TMEM183A: variants seen among roughly 807,000 people sequenced by gnomAD.
TMEM183A encodes the protein transmembrane protein 183A, also known as chromosome 1 open reading frame 37.
Under a neutral mutation model 46.7 loss-of-function variants are expected in TMEM183A, and 21 were observed. The observed-to-expected ratio is 0.45, with a 90% CI of 0.32 to 0.65. TMEM183A has a LOEUF of 0.65. Among genes scored for constraint, TMEM183A ranks in the 30% least tolerant of loss-of-function variants. The pLI, the probability that TMEM183A is intolerant of heterozygous loss-of-function variation, is 0.04. For synonymous variants in TMEM183A, 165 were observed against 180.2 expected, an observed-to-expected ratio of 0.92 and a Z score of 0.68; for missense variants, 331 against 481.9, an observed-to-expected ratio of 0.69 and a Z score of 2.93.
At chr1:203,022,297 C>T (rs1230056792) in intron 7 of TMEM183A, among the ~76,000 whole-genome samples, 3 of 152,026 alleles carry the variant, frequency 2.0e-5, no homozygotes, top group Non-Finnish European at 4.4e-5. Context: ...CTCCTAACCT[C>T]AGACAATCTG....
At position 203,020,863 on chromosome 1, in the gene TMEM183A, A is replaced by G. The variant is rs1422878248; in HGVS notation, c.860A>G (p.Asn287Ser). The change falls in exon 7 of 8, where the codon AAT (asparagine) becomes AGT (serine). Residue 287 changes from asparagine (N) to serine (S), a missense_variant. Asn to Ser is a conservative substitution (Grantham distance 46, BLOSUM62 1). Transcript: ENST00000367242. Reference protein sequence around the residue: ...PPVQYEDVHTNPDQDCCLLQV... With the variant: ...PPVQYEDVHTSPDQDCCLLQV... ...GTTCAGTACGAAGATGTTCATACCAATCCAGACCAGGACTGCTGCCTACTG... is the reference window on the plus strand; with the variant it reads ...GTTCAGTACGAAGATGTTCATACCAGTCCAGACCAGGACTGCTGCCTACTG... 7 of 1,613,852 alleles carry G rather than the reference A, an allele frequency of 4.3e-6. No homozygotes were observed. Among genetic ancestry groups the G allele is most frequent in the Non-Finnish European group, 5.9e-6 (7 of 1,179,992 alleles).
chr1:203,008,384 A>C (rs1656195549), intron 2 of TMEM183A, among the ~76,000 whole-genome samples: 1 of 150,980 alleles, frequency 6.6e-6, no homozygotes, highest in African/African-American at 2.4e-5. Context: ...AAAATTGTAC[A>C]CACCTTTTTT....
At position 203,024,470 on chromosome 1, in the gene TMEM183A, C is replaced by T. The variant is rs1657998913; in HGVS notation, c.*1430C>T. 1 of 145,040 alleles carries T rather than the reference C, an allele frequency of 6.9e-6. No individual in the cohort carries two copies. The highest frequency in any genetic ancestry group is 1.5e-5 in the Non-Finnish European group (1 of 66,478). The allele number at this position is 145,040 out of a possible 1,614,324, so 9.0% of individuals were successfully genotyped here. ...AGTGAAAATCTTGTGAGGCAAACTG[C>T]TAAATTCACATTTTTGTTTTTTTTT... On this transcript the variant is annotated 3_prime_UTR_variant, in exon 8 of 8. Coordinates refer to ENST00000367242, the MANE Select transcript of TMEM183A (RefSeq NM_138391.6).
Position 203,013,097 on chromosome 1 carries a change from A to G in TMEM183A, c.368-1792A>G, listed in dbSNP as rs1331877492. On this transcript the variant is annotated intron_variant, in intron 3 of 7. Transcript: ENST00000367242. The surrounding 1 kb of genome is among the most constrained non-coding windows in gnomAD (Gnocchi z 4.0). The stretch of plus-strand genomic sequence containing the variant: ...GGTAATGTGGGAGAAAGTGGGGCCT[A>G]GACATGGTAGACTGTGTCTTGCATG... Among the ~76,000 whole-genome samples the G allele has an allele frequency of 6.6e-6, 1 of 152,246 alleles. No homozygotes were observed. Among genetic ancestry groups the G allele is most frequent in the Non-Finnish European group, 1.5e-5 (1 of 68,030 alleles).
chr1:203,010,305 T>C (rs1377816496), intron 3 of TMEM183A, among the ~76,000 whole-genome samples: 1 of 152,208 alleles, frequency 6.6e-6, no homozygotes, highest in African/African-American at 2.4e-5. Context: ...TTTGGAATTA[T>C]TCTAGTTATT....
chr1:203,016,224 A>T, intron 5 of TMEM183A, 84 bp downstream of exon 5: 2 of 1,589,572 alleles, frequency 1.3e-6, no homozygotes, highest in Non-Finnish European at 8.6e-7. Flanking sequence ...AGCTTCCTTG[A>T]TGGGGAGGGG....
rs967406503 is a variant in TMEM183A at position 203,018,665 on chromosome 1, C to G, written c.789+104C>G. 5.3e-6 allele frequency: 7 copies of G among 1,315,758 alleles called. No individual in the cohort carries two copies. The African/African-American group carries it at 1.0e-4, about 20-fold the overall frequency. 81.5% of individuals were successfully genotyped at this position (1,315,758 alleles called of 1,614,324 possible). A position where few individuals can be genotyped will look rare whatever the true frequency, so the allele number is the denominator to read the frequency against. On this transcript the variant is annotated intron_variant, in intron 6 of 7. Coordinates refer to ENST00000367242, the MANE Select transcript of TMEM183A (RefSeq NM_138391.6). The stretch of plus-strand genomic sequence containing the variant: ...TGTTGCTATAACAGTACCACAGATT[C>G]TGGGTAACTTAAAAAGAACGAACTT...
At chr1:203,017,420 C>G (rs1231807107) in intron 5 of TMEM183A, among the ~76,000 whole-genome samples, 2 of 152,174 alleles carry the variant, frequency 1.3e-5, no homozygotes, top group East Asian at 3.8e-4. Context: ...AATGCAAGTG[C>G]TACTGCCTAA....
Position 203,013,659 on chromosome 1 carries a change from C to T in TMEM183A, c.368-1230C>T, listed in dbSNP as rs184212506. ...CCCAAGTAGCTGGAACTACAGGCAGCTGCCACCACGCCCGGCTAATTTTTT... is the reference window on the plus strand; with the variant it reads ...CCCAAGTAGCTGGAACTACAGGCAGTTGCCACCACGCCCGGCTAATTTTTT... On this transcript the variant is annotated intron_variant, in intron 3 of 7. Transcript: ENST00000367242. The surrounding 1 kb of genome is among the most constrained non-coding windows in gnomAD (Gnocchi z 4.0). Among the ~76,000 whole-genome samples the T allele has an allele frequency of 7.2e-5, 11 of 151,914 alleles. No homozygotes were observed. In the East Asian group the frequency reaches 2.1e-3, roughly 30 times the overall value.
chr1:203,007,833 A>T lies in TMEM183A; in HGVS notation c.169A>T (p.Lys57Ter). 6.2e-7 allele frequency: 1 copy of T among 1,614,054 alleles called. No homozygotes were observed. The highest frequency in any genetic ancestry group is 8.5e-7 in the Non-Finnish European group (1 of 1,179,910). ...PAVVRSGRVK[K>*]AVANAVQQEV... ...GGTCGTGAGGTCTGGACGAGTCAAGAAAGCCGTAGCCAACGCTGTTCAGCA... is the reference window on the plus strand; with the variant it reads ...GGTCGTGAGGTCTGGACGAGTCAAGTAAGCCGTAGCCAACGCTGTTCAGCA... Residue 57 changes from lysine to a stop codon, truncating the protein, a stop_gained, in exon 2 of 8, where the codon AAA becomes TAA. Transcript: ENST00000367242. LOFTEE classifies it high-confidence loss of function.
chr1:203,014,593 C>G (rs1656984464), intron 3 of TMEM183A, among the ~76,000 whole-genome samples: 1 of 151,590 alleles, frequency 6.6e-6, no homozygotes, highest in South Asian at 2.1e-4. Flanking sequence ...CCACTGCATT[C>G]CAGCCTGGGC....
intron 6 of TMEM183A, among the ~76,000 whole-genome samples, chr1:203,019,881 C>A (rs757582876): frequency 2.2e-4 from 34 of 152,088 alleles, no homozygotes; most frequent in Admixed American, 3.9e-4. Context: ...ATTATGATCA[C>A]CCTATATTCT....
intron 3 of TMEM183A, 58 bp downstream of exon 3, chr1:203,008,868 T>G: frequency 6.2e-6 from 9 of 1,461,060 alleles, no homozygotes; most frequent in Non-Finnish European, 8.2e-6. Context: ...AAATTGAAGA[T>G]GTTACTTTCC....
intron 6 of TMEM183A, 142 bp downstream of exon 6, chr1:203,018,703 G>C: frequency 1.0e-6 from 1 of 977,818 alleles, no homozygotes; most frequent in Non-Finnish European, 1.5e-6. Context: ...TTTCTTAACA[G>C]TTCTGGAGGC....
intron 3 of TMEM183A, among the ~76,000 whole-genome samples, chr1:203,010,464 G>T (rs1656460799): frequency 6.6e-6 from 1 of 152,108 alleles, no homozygotes; most frequent in African/African-American, 2.4e-5. Flanking sequence ...TCTGATTTTC[G>T]ATTAGGGCTG....
chr1:203,014,771 T>C, intron 3 of TMEM183A, 118 bp from the exon 4 acceptor site: 5 of 1,418,700 alleles, frequency 3.5e-6, no homozygotes, highest in Non-Finnish European at 4.7e-6. Flanking sequence ...AGGGGTTTCC[T>C]TGGACCTATT....
Position 203,013,290 on chromosome 1 carries a change from C to A in TMEM183A, c.368-1599C>A, listed in dbSNP as rs182344729. The stretch of plus-strand genomic sequence containing the variant: ...CAACTTTGGGGAGATGGTGTAGGGG[C>A]TTTTTCCCCAGGAAGGAAGAAAGCT... On this transcript the variant is annotated intron_variant, in intron 3 of 7. Transcript: ENST00000367242. This position sits in a 1 kb window ranked among gnomAD's most constrained non-coding sequence, Gnocchi z 4.0. Among the ~76,000 whole-genome samples the A allele has an allele frequency of 6.6e-6, 1 of 152,076 alleles. No individual in the cohort carries two copies. Among genetic ancestry groups the A allele is most frequent in the Non-Finnish European group, 1.5e-5 (1 of 68,010 alleles).
At chr1:203,018,022 T>G (rs1571618636) in intron 5 of TMEM183A, 1 of 906,604 alleles carries the variant, frequency 1.1e-6, no homozygotes, top group Non-Finnish European at 1.3e-6. Flanking sequence ...TTACTGGCTG[T>G]CTGCTCCCAG....
rs1360620182 is a variant in TMEM183A, at chr1:203,012,147, A to ATCTC, written c.368-2740_368-2739insTCTC. The stretch of plus-strand genomic sequence containing the variant: ...TACTTCAACCATTACCCCCCACTCC[A>ATCTC]TCACACACACACACACACACACACA... On this transcript the variant is annotated intron_variant, in intron 3 of 7. Coordinates refer to ENST00000367242, the MANE Select transcript of TMEM183A (RefSeq NM_138391.6). Among the ~76,000 whole-genome samples the ATCTC allele has an allele frequency of 1.7e-4, 8 of 47,224 alleles. No homozygotes were observed. In the East Asian group the frequency reaches 2.9e-3, roughly 17 times the overall value. 31.0% of individuals were successfully genotyped at this position (47,224 alleles called of 152,430 possible).
Sources: allele counts gnomAD v4.1 joint callset (sites outside exome capture counted in the v4.1 genomes callset), GRCh38; gene constraint gnomAD v4.1.1; non-coding constraint Gnocchi (gnomAD v3.1); transcripts MANE v1.5; gene names NCBI Gene and HGNC (gene_info 2026-07-23, HGNC 2026-07-21).